Variants in DMD observed in about 807,000 individuals in gnomAD.
DMD encodes mutant dystrophin.
DMD carries 63 observed loss-of-function variants against 330.1 expected under a neutral mutation model. The ratio of observed to expected loss-of-function variants is 0.19; its 90% CI spans 0.16 to 0.24. The LOEUF is 0.24. Among genes scored for constraint, DMD ranks in the 10% least tolerant of loss-of-function variants. DMD has a pLI of 1.00. For synonymous variants in DMD, 1,223 were observed against 959.8 expected (o/e 1.27, Z -5.07); for missense variants, 3,344 against 2,684.1 (o/e 1.25, Z -5.43).
At chrX:32,864,614 A>G (rs2082340834) in intron 2 of DMD, among the ~76,000 whole-genome samples, 1 of 111,803 alleles carries the variant, frequency 8.9e-6, no homozygotes, top group Non-Finnish European at 1.9e-5. Flanking sequence ...ACATTAGGAA[A>G]ATTCTTCAAA....
chrX:32,385,551 G>A (rs1372097750), intron 33 of DMD, among the ~76,000 whole-genome samples: 1 of 110,539 alleles, frequency 9.0e-6, no homozygotes. Context: ...GACTGTTATC[G>A]CATCAACCTA....
At chrX:32,670,211 C>T (rs1345998203) in intron 9 of DMD, among the ~76,000 whole-genome samples, 2 of 111,738 alleles carry the variant, frequency 1.8e-5, no homozygotes, top group Admixed American at 9.6e-5. Flanking sequence ...TCTGTCTCCT[C>T]TCTAGTGCAT....
At chrX:32,499,108 A>G (rs1274986194) in intron 19 of DMD, among the ~76,000 whole-genome samples, 1 of 112,071 alleles carries the variant, frequency 8.9e-6, no homozygotes, top group Non-Finnish European at 1.9e-5. Flanking sequence ...TTAAGTTATG[A>G]GAAATTATTT....
At chrX:32,656,990 A>G (rs2060620011) in intron 9 of DMD, among the ~76,000 whole-genome samples, 1 of 105,789 alleles carries the variant, frequency 9.5e-6, no homozygotes, top group African/African-American at 3.7e-5. Context: ...ATTCACATAC[A>G]TATATAGTAT....
At chrX:32,799,631 C>T (rs1167965195) in intron 7 of DMD, among the ~76,000 whole-genome samples, 2 of 104,644 alleles carry the variant, frequency 1.9e-5, no homozygotes, top group Non-Finnish European at 3.9e-5. Flanking sequence ...ACAAACCAAT[C>T]TGTTTGAAAC....
chrX:32,906,859 C>G (rs184075210), intron 2 of DMD, among the ~76,000 whole-genome samples: 31 of 111,055 alleles, frequency 2.8e-4, no homozygotes, highest in Admixed American at 2.7e-3. Flanking sequence ...TAGGCCAAGC[C>G]AAATCAATCG....
At chrX:32,996,317 T>C (rs1320619487) in intron 2 of DMD, among the ~76,000 whole-genome samples, 4 of 111,403 alleles carry the variant, frequency 3.6e-5, no homozygotes, top group Non-Finnish European at 7.5e-5. Context: ...TATTTACAAA[T>C]TTTAAAAATA....
chrX:33,061,948 G>A (rs1236284263), intron 1 of DMD, among the ~76,000 whole-genome samples: 1 of 111,576 alleles, frequency 9.0e-6, no homozygotes, highest in Non-Finnish European at 1.9e-5. Context: ...ACTTTGCAAA[G>A]CTTAGTTAAT....
At chrX:32,539,172 C>CTTTTTTTT (rs71980872) in intron 17 of DMD, among the ~76,000 whole-genome samples, 14 of 95,432 alleles carry the variant, frequency 1.5e-4, no homozygotes, top group South Asian at 1.0e-3. Context: ...ATTTCTATTT[C>CTTTTTTTT]TTTTTTTTTT....
intron 2 of DMD, among the ~76,000 whole-genome samples, chrX:32,941,168 G>A (rs73219760): frequency 0.033 from 3,731 of 111,659 alleles, 92 homozygotes; most frequent in South Asian, 0.11. Context: ...TGGTGAAGCC[G>A]CAGAGAAAAG....
chrX:32,335,912 T>C (rs1371886208), intron 41 of DMD, among the ~76,000 whole-genome samples: 3 of 106,521 alleles, frequency 2.8e-5, no homozygotes, highest in Non-Finnish European at 3.9e-5. Context: ...ATATAACGTG[T>C]ATATATGTAT....
At chrX:32,252,161 A>G (rs371940985) in intron 43 of DMD, among the ~76,000 whole-genome samples, 41 of 111,343 alleles carry the variant, frequency 3.7e-4, no homozygotes, top group Admixed American at 5.8e-4. Flanking sequence ...CCCATACACA[A>G]GGGCTTTCTT....
intron 1 of DMD, among the ~76,000 whole-genome samples, chrX:33,163,598 CTATATA>C (rs1313702877): frequency 1.2e-5 from 1 of 83,994 alleles, no homozygotes; most frequent in Non-Finnish European, 2.0e-5. Flanking sequence ...ATATCTATAT[CTATATA>C]TATCTATATC....
chrX:33,062,805 T>A (rs1037379649), intron 1 of DMD, among the ~76,000 whole-genome samples: 1 of 112,523 alleles, frequency 8.9e-6, no homozygotes, highest in Non-Finnish European at 1.9e-5. Flanking sequence ...AGGTAGCAAC[T>A]TCTTTCCCCA....
intron 43 of DMD, among the ~76,000 whole-genome samples, chrX:32,269,756 A>C (rs1326851527): frequency 8.9e-6 from 1 of 112,138 alleles, no homozygotes; most frequent in African/African-American, 3.2e-5. Flanking sequence ...AATACTTTTA[A>C]AACTAGTTAT....
intron 67 of DMD, among the ~76,000 whole-genome samples, chrX:31,198,461 T>A (rs1035686633): frequency 1.1e-4 from 12 of 111,996 alleles, no homozygotes; most frequent in Non-Finnish European, 1.5e-4. Flanking sequence ...GATGAATGTT[T>A]GAGATGATGG....
chrX:32,344,900 G>C (rs1297955992), intron 39 of DMD, among the ~76,000 whole-genome samples: 1 of 111,371 alleles, frequency 9.0e-6, no homozygotes, highest in African/African-American at 3.3e-5. Context: ...ACTCCCTCGA[G>C]GAAGAGGCCT....
intron 50 of DMD, among the ~76,000 whole-genome samples, chrX:31,794,338 C>T (rs1328308707): frequency 9.0e-6 from 1 of 111,584 alleles, no homozygotes. Flanking sequence ...GAGAGGAGCG[C>T]TAAATGCTGA....
In DMD at chrX:31,134,113, G is replaced by C. The variant is rs2147774126; in HGVS notation, c.11003C>G (p.Pro3668Arg). 4 of 1,210,590 alleles carry C rather than the reference G, an allele frequency of 3.3e-6. No individual in the cohort carries two copies. In the East Asian group the frequency reaches 8.9e-5, roughly 27 times the overall value. The change falls in exon 77 of 79, where the codon CCT (proline) becomes CGT (arginine). Residue 3668 changes from proline (P) to arginine (R), a missense_variant. By Grantham distance (103) the Pro-to-Arg change is moderately radical. Coordinates refer to ENST00000357033, the MANE Select transcript of DMD (RefSeq NM_004006.3). ...GTATTGGAGCTTACCTCTTGAACTA[G>C]GGAAGGAGTTGTTGAGTTGCTCCAT... ...EVMEQLNNSF[P>R]SSRGRNTPGK...
Sources: gnomAD v4.1 joint callset for allele counts (sites outside exome capture counted in the v4.1 genomes callset) on GRCh38, gnomAD v4.1.1 for gene constraint, MANE v1.5 for transcripts, NCBI Gene and HGNC (gene_info 2026-07-23, HGNC 2026-07-21) for gene names.